CFAP61: variants seen among roughly 807,000 people sequenced by gnomAD.
CFAP61 encodes cilia and flagella associated protein 61.
CFAP61 carries 107 observed loss-of-function variants against 135.6 expected under a neutral mutation model. That is an observed-to-expected ratio of 0.79 (90% CI 0.67 to 0.93). CFAP61 has a LOEUF of 0.93. CFAP61 is among the 40% of genes least tolerant of loss of function. The pLI, the probability that CFAP61 is intolerant of heterozygous loss-of-function variation, is 0.00. For synonymous variants in CFAP61, 575 were observed against 578.5 expected (o/e 0.99, Z 0.09); for missense variants, 1,507 against 1,556.2 (o/e 0.97, Z 0.53).
At chr20:20,199,927 G>A (rs375334249) in intron 17 of CFAP61, 25 bp downstream of exon 17, 18 of 1,611,746 alleles carry the variant, frequency 1.1e-5, no homozygotes, top group Non-Finnish European at 1.5e-5. Context: ...GGCAGGCAGG[G>A]CGGCGCGGTG....
intron 7 of CFAP61, among the ~76,000 whole-genome samples, chr20:20,092,580 C>T (rs2047277793): frequency 6.6e-6 from 1 of 152,066 alleles, no homozygotes; most frequent in South Asian, 2.1e-4. Context: ...TTTAACTATC[C>T]ATACCATGCC....
intron 21 of CFAP61, among the ~76,000 whole-genome samples, chr20:20,269,201 A>ATT: frequency 1.1e-5 from 1 of 89,956 alleles, no homozygotes; most frequent in Admixed American, 1.2e-4. Flanking sequence ...ATATACATAT[A>ATT]TGTATATATA....
At chr20:20,171,215 T>G (rs1332466888) in intron 13 of CFAP61, among the ~76,000 whole-genome samples, 2 of 152,198 alleles carry the variant, frequency 1.3e-5, no homozygotes, top group Non-Finnish European at 2.9e-5. Flanking sequence ...ACTAAACTGT[T>G]GTATCAGAGT....
At chr20:20,214,893 A>G (rs1201111390) in intron 17 of CFAP61, among the ~76,000 whole-genome samples, 1 of 152,220 alleles carries the variant, frequency 6.6e-6, no homozygotes, top group Non-Finnish European at 1.5e-5. Flanking sequence ...AGGCAGAAGG[A>G]GAGTGGAGAG....
At chr20:20,342,849 G>C (rs751412380) in intron 26 of CFAP61, among the ~76,000 whole-genome samples, 5 of 151,154 alleles carry the variant, frequency 3.3e-5, no homozygotes, top group Non-Finnish European at 7.4e-5. Context: ...GGTTTTTGGA[G>C]TTTTTTGTTT....
rs1481280155 is a variant in CFAP61 at position 20,288,631 on chromosome 20, A to G, written c.2819A>G (p.Lys940Arg). Residue 940 changes from lysine to arginine, a missense_variant, in exon 23 of 27, where the codon AAG (lysine) becomes AGG (arginine). Coordinates refer to ENST00000245957, the MANE Select transcript of CFAP61 (RefSeq NM_015585.4). Reference protein sequence around the residue: ...QCSMFFSFCEKNVDYETFKAL... With the variant: ...QCSMFFSFCERNVDYETFKAL... Reference sequence around the variant, plus strand: ...TAGATGTTCTTCAGCTTCTGTGAGAAGAATGTGGATTATGAAACGTTTAAA... The same window carrying G: ...TAGATGTTCTTCAGCTTCTGTGAGAGGAATGTGGATTATGAAACGTTTAAA... 2 of 1,613,162 alleles carry G rather than the reference A, an allele frequency of 1.2e-6. No individual in the cohort carries two copies. Among genetic ancestry groups the G allele is most frequent in the Admixed American group, 3.3e-5 (2 of 60,002 alleles).
chr20:20,236,405 C>T (rs960962916), intron 18 of CFAP61, among the ~76,000 whole-genome samples: 2 of 152,162 alleles, frequency 1.3e-5, no homozygotes, highest in Non-Finnish European at 2.9e-5. Context: ...CTATTTCCCC[C>T]TGTAATTGCT....
chr20:20,053,873 GA>G (rs2043998532), intron 1 of CFAP61, among the ~76,000 whole-genome samples: 1 of 152,092 alleles, frequency 6.6e-6, no homozygotes, highest in Non-Finnish European at 1.5e-5. Context: ...TTTACCAAAT[GA>G]ATCATTGGTT....
intron 8 of CFAP61, among the ~76,000 whole-genome samples, chr20:20,113,365 G>A (rs1224983258): frequency 6.6e-6 from 1 of 152,136 alleles, no homozygotes; most frequent in Non-Finnish European, 1.5e-5. Context: ...TGACAATGAG[G>A]TTATACTTGT....
At chr20:20,301,642 A>G (rs963767889) in intron 25 of CFAP61, among the ~76,000 whole-genome samples, 1 of 152,048 alleles carries the variant, frequency 6.6e-6, no homozygotes, top group Non-Finnish European at 1.5e-5. Context: ...TCATTTGTTC[A>G]TGGGCCATTT....
At chr20:20,309,327 AC>A (rs766299056) in intron 25 of CFAP61, among the ~76,000 whole-genome samples, 4 of 152,188 alleles carry the variant, frequency 2.6e-5, no homozygotes, top group Non-Finnish European at 5.9e-5. Flanking sequence ...TAATCCCACC[AC>A]CCAGAACCTA....
chr20:20,188,373 A>G (rs1440700938), intron 14 of CFAP61, among the ~76,000 whole-genome samples: 2 of 152,202 alleles, frequency 1.3e-5, no homozygotes, highest in Admixed American at 6.5e-5. Context: ...TAGATACAGT[A>G]TGACCATGGT....
chr20:20,067,761 T>C (rs936086200), intron 2 of CFAP61, among the ~76,000 whole-genome samples: 3 of 103,352 alleles, frequency 2.9e-5, no homozygotes, highest in African/African-American at 8.6e-5. Context: ...ATTTATATTA[T>C]TATATATGTA....
chr20:20,279,250 A>G (rs1399337365), intron 22 of CFAP61, among the ~76,000 whole-genome samples: 1 of 152,192 alleles, frequency 6.6e-6, no homozygotes, highest in Non-Finnish European at 1.5e-5. Flanking sequence ...CATGAGGAGT[A>G]AGGGCAGCAA....
chr20:20,077,539 C>A (rs2146583526), intron 6 of CFAP61, among the ~76,000 whole-genome samples: 1 of 152,312 alleles, frequency 6.6e-6, no homozygotes, highest in East Asian at 1.9e-4. Flanking sequence ...ATACAAGTGA[C>A]CAGGGCTTTG....
chr20:20,187,925 C>T lies in CFAP61; in HGVS notation c.1386-5C>T, dbSNP rs777013698. 3.1e-6 allele frequency: 5 copies of T among 1,610,836 alleles called. No individual in the cohort carries two copies. The highest frequency in any genetic ancestry group is 1.7e-5 in the Admixed American group (1 of 59,954). On this transcript the variant is annotated splice_polypyrimidine_tract_variant and splice_region_variant and intron_variant, in intron 13 of 26. Coordinates refer to ENST00000245957, the MANE Select transcript of CFAP61 (RefSeq NM_015585.4). Reference sequence around the variant, plus strand: ...ACTTAAAAATATATTCCTCTCCTTACCCAGGTCCATTAATATAAGATTTGC... The same window carrying T: ...ACTTAAAAATATATTCCTCTCCTTATCCAGGTCCATTAATATAAGATTTGC...
At chr20:20,265,576 T>C (rs558461036) in intron 21 of CFAP61, 14 of 761,540 alleles carry the variant, frequency 1.8e-5, no homozygotes, top group East Asian at 1.5e-4. Context: ...GTCCACCAAA[T>C]AGCCAGGATA....
chr20:20,052,715 G>A (rs1309500066), intron 1 of CFAP61, 124 bp downstream of exon 1: 1 of 1,608,458 alleles, frequency 6.2e-7, no homozygotes, highest in Admixed American at 1.7e-5. Context: ...CTGTCGAGCC[G>A]TGGCGCCCTG....
chr20:20,086,910 G>A (rs2046849435), intron 6 of CFAP61, among the ~76,000 whole-genome samples: 3 of 152,118 alleles, frequency 2.0e-5, no homozygotes, highest in African/African-American at 7.2e-5. Context: ...GGTGTAGGGT[G>A]GAGATGAGCT....
Sources: gnomAD v4.1 joint callset for allele counts (sites outside exome capture counted in the v4.1 genomes callset) on GRCh38, gnomAD v4.1.1 for gene constraint, MANE v1.5 for transcripts, NCBI Gene and HGNC (gene_info 2026-07-23, HGNC 2026-07-21) for gene names.